Variants in SAMD3 observed in about 807,000 individuals in gnomAD.
The protein encoded by SAMD3 is sterile alpha motif domain-containing protein 3.
SAMD3 carries 63 observed loss-of-function variants against 58.5 expected under a neutral mutation model. That is an observed-to-expected ratio of 1.08 (90% CI 0.88 to 1.33). The LOEUF (loss-of-function observed/expected upper bound fraction) is 1.33, where lower values mean the gene tolerates loss of function less well. SAMD3 is among the 40% of genes most tolerant of loss of function. The pLI, the probability that SAMD3 is intolerant of heterozygous loss-of-function variation, is 0.00. For synonymous variants in SAMD3, 220 were observed against 210.3 expected (o/e 1.05, Z -0.40); for missense variants, 604 against 608.4 (o/e 0.99, Z 0.08).
In SAMD3 at chr6:130,168,429, A is replaced by AT. The variant is rs369777516; in HGVS notation, c.822+7411_822+7412insA. Among the ~76,000 whole-genome samples the AT allele has an allele frequency of 3.4e-3, 515 of 152,010 alleles. 5 individuals carry two copies. The highest frequency in any genetic ancestry group is 0.017 in the Middle Eastern group (5 of 294). On this transcript the variant is annotated intron_variant, in intron 8 of 11. Coordinates refer to ENST00000439090, the MANE Select transcript of SAMD3 (RefSeq NM_001017373.4). ...CAGCCTGGGCGACGAGTGAAACACCACCCAAAAAAAACAAAAAACAAACAA... is the reference window on the plus strand; with the variant it reads ...CAGCCTGGGCGACGAGTGAAACACCATCCCAAAAAAAACAAAAAACAAACAA...
chr6:130,358,603 C>G (rs141705395), intron 1 of SAMD3, among the ~76,000 whole-genome samples: 2 of 151,922 alleles, frequency 1.3e-5, no homozygotes, highest in East Asian at 3.8e-4. Flanking sequence ...TACAATTTCA[C>G]TAAGAAAATT....
rs1425846455 is a variant in SAMD3 at position 130,145,395 on chromosome 6, A to T, written c.1223T>A (p.Leu408His). ...ATCATCCCCAAAAACATCTGGGAGG[A>T]GTAAACATGTGGCTGTCATCTTCAT... Reference protein sequence around the residue: ...KYMKMTATCLLLPDVFGDDPS... With the variant: ...KYMKMTATCLHLPDVFGDDPS... Residue 408 changes from leucine to histidine, a missense_variant, in exon 11 of 12, where the codon CTC (leucine) becomes CAC (histidine). By Grantham distance (99) the Leu-to-His change is moderately conservative (BLOSUM62 -3). Coordinates refer to ENST00000439090, the MANE Select transcript of SAMD3 (RefSeq NM_001017373.4). The T allele has an allele frequency of 1.2e-6, 2 of 1,611,546 alleles. No individual in the cohort carries two copies. The highest frequency in any genetic ancestry group is 2.7e-5 in the African/African-American group (2 of 74,936).
chr6:130,243,887 T>C (rs1773447598), intron 2 of SAMD3, among the ~76,000 whole-genome samples: 1 of 152,228 alleles, frequency 6.6e-6, no homozygotes, highest in South Asian at 2.1e-4. Context: ...ACTTGAATGT[T>C]GTTGTGTTCT....
chr6:130,204,424 T>A (rs1308107657), intron 5 of SAMD3, among the ~76,000 whole-genome samples: 1 of 152,060 alleles, frequency 6.6e-6, no homozygotes, highest in Non-Finnish European at 1.5e-5. Flanking sequence ...CTGGGCAACA[T>A]GTTGAAACCC....
intron 8 of SAMD3, among the ~76,000 whole-genome samples, chr6:130,166,027 G>A (rs1277713732): frequency 6.6e-6 from 1 of 152,148 alleles, no homozygotes; most frequent in African/African-American, 2.4e-5. Context: ...TCTCCATCCA[G>A]TTACAGCAGG....
intron 2 of SAMD3, among the ~76,000 whole-genome samples, chr6:130,292,079 T>C (rs1419547762): frequency 6.6e-6 from 1 of 152,152 alleles, no homozygotes; most frequent in Non-Finnish European, 1.5e-5. Flanking sequence ...AAGAAGTCCA[T>C]TTTTGCTGCA....
intron 1 of SAMD3, among the ~76,000 whole-genome samples, chr6:130,321,815 A>T (rs949837832): frequency 2.6e-5 from 4 of 152,132 alleles, no homozygotes; most frequent in African/African-American, 9.7e-5. Flanking sequence ...AAATTTGAAA[A>T]AAAAGTCTAG....
chr6:130,230,591 T>C (rs1796517347), intron 2 of SAMD3, among the ~76,000 whole-genome samples: 1 of 152,140 alleles, frequency 6.6e-6, no homozygotes, highest in South Asian at 2.1e-4. Flanking sequence ...TTTCACTATG[T>C]TGGCCAGGCT....
At chr6:130,181,437 G>T (rs979637509) in intron 7 of SAMD3, among the ~76,000 whole-genome samples, 3 of 152,040 alleles carry the variant, frequency 2.0e-5, no homozygotes, top group Non-Finnish European at 4.4e-5. Context: ...ATCCATCCAG[G>T]CACCAGAGTT....
chr6:130,215,729 G>A, intron 2 of SAMD3: 1 of 1,486,872 alleles, frequency 6.7e-7, no homozygotes, highest in Non-Finnish European at 9.0e-7. Flanking sequence ...AGGAAGGGAG[G>A]AAGGATCAGA....
chr6:130,335,599 G>A (rs1214876527), intron 1 of SAMD3, among the ~76,000 whole-genome samples: 1 of 152,178 alleles, frequency 6.6e-6, no homozygotes, highest in Non-Finnish European at 1.5e-5. Flanking sequence ...TAAGATAAAA[G>A]CTAACATTTA....
At chr6:130,197,933 A>T (rs1225056068) in intron 5 of SAMD3, among the ~76,000 whole-genome samples, 1 of 152,074 alleles carries the variant, frequency 6.6e-6, no homozygotes, top group East Asian at 1.9e-4. Context: ...AAGAAGTGAA[A>T]ATGGCCTGTT....
At chr6:130,184,644 AAG>A in intron 5 of SAMD3, 21 bp from the exon 6 acceptor site, 1 of 1,584,666 alleles carries the variant, frequency 6.3e-7, no homozygotes, top group Non-Finnish European at 8.6e-7. Context: ...AAAACACACA[AAG>A]AATGAAATTC....
chr6:130,176,226 G>A, intron 7 of SAMD3: 1 of 595,424 alleles, frequency 1.7e-6, no homozygotes, highest in Non-Finnish European at 3.0e-6. Context: ...TAGGTAAGCA[G>A]ACAAAGTCAC....
intron 1 of SAMD3, among the ~76,000 whole-genome samples, chr6:130,342,896 G>A (rs1777316289): frequency 1.3e-5 from 2 of 152,140 alleles, no homozygotes; most frequent in Admixed American, 1.3e-4. Context: ...AGTAAGCAAT[G>A]TAGATGGTGA....
chr6:130,262,213 G>A (rs1490602028), intron 2 of SAMD3, among the ~76,000 whole-genome samples: 1 of 151,888 alleles, frequency 6.6e-6, no homozygotes, highest in African/African-American at 2.4e-5. Context: ...AAGCACTGAG[G>A]CCTTCCTATC....
chr6:130,248,528 G>A (rs987566130), intron 2 of SAMD3, among the ~76,000 whole-genome samples: 1 of 152,154 alleles, frequency 6.6e-6, no homozygotes, highest in Non-Finnish European at 1.5e-5. Flanking sequence ...GAAACAAATA[G>A]AAGTGCACTG....
intron 2 of SAMD3, among the ~76,000 whole-genome samples, chr6:130,246,965 A>T (rs1583001925): frequency 6.6e-6 from 1 of 152,288 alleles, no homozygotes; most frequent in East Asian, 1.9e-4. Flanking sequence ...TTTAACTACT[A>T]AAAAGGCCTA....
chr6:130,203,944 A>C (rs1794855976), intron 5 of SAMD3, among the ~76,000 whole-genome samples: 1 of 152,226 alleles, frequency 6.6e-6, no homozygotes, highest in South Asian at 2.1e-4. Flanking sequence ...AAGAGCCTGC[A>C]AACAACGCAT....
Sources: gnomAD v4.1 joint callset for allele counts (sites outside exome capture counted in the v4.1 genomes callset) on GRCh38, gnomAD v4.1.1 for gene constraint, MANE v1.5 for transcripts, NCBI Gene and HGNC (gene_info 2026-07-23, HGNC 2026-07-21) for gene names.